Variants in ERG observed in about 807,000 individuals in gnomAD.
ERG encodes the protein ETS transcription factor ERG, also known as transcriptional regulator ERG.
In ERG, 9 loss-of-function variants were observed where a neutral mutation model predicts 55.3. The observed-to-expected ratio is 0.16, with a 90% CI of 0.10 to 0.28. The LOEUF (loss-of-function observed/expected upper bound fraction) is 0.28. Among genes scored for constraint, ERG ranks in the 10% least tolerant of loss-of-function variants. The probability of loss-of-function intolerance (pLI) is 1.00; values close to 1 mark genes in which losing one functional copy is unlikely to be tolerated. For missense variants in ERG, 434 were observed against 631.6 expected (o/e 0.69, Z 3.35); for synonymous variants, 223 against 237.3 (o/e 0.94, Z 0.55).
intron 1 of ERG, among the ~76,000 whole-genome samples, chr21:38,619,055 A>G (rs1350497779): frequency 6.6e-6 from 1 of 152,178 alleles, no homozygotes; most frequent in East Asian, 1.9e-4. Flanking sequence ...TCTGTCAGAC[A>G]CCTCACATTA....
At chr21:38,588,434 C>A (rs1054478037), upstream of ERG, among the ~76,000 whole-genome samples, 1 of 152,106 alleles carries the variant, frequency 6.6e-6, no homozygotes, top group African/African-American at 2.4e-5. Context: ...GAAGAAGGCA[C>A]CAGATCATCA....
At chr21:38,594,677 G>A (rs1293746546) in intron 1 of ERG, among the ~76,000 whole-genome samples, 1 of 152,180 alleles carries the variant, frequency 6.6e-6, no homozygotes, top group African/African-American at 2.4e-5. Context: ...TTTCAGCCTT[G>A]AATAGCAGAA....
At chr21:38,592,080 AC>A (rs1427710757) in intron 1 of ERG, among the ~76,000 whole-genome samples, 1 of 152,116 alleles carries the variant, frequency 6.6e-6, no homozygotes, top group Non-Finnish European at 1.5e-5. Context: ...GGAAGGTGGG[AC>A]CCCACTGTCT....
Position 38,392,461 on chromosome 21 carries a change from A to G in ERG, c.746-17T>C. On this transcript the variant is annotated splice_polypyrimidine_tract_variant and intron_variant, in intron 6 of 9. Coordinates refer to ENST00000288319, the MANE Select transcript of ERG (RefSeq NM_182918.4). ...ATGGTAAATCTGTAAAGACAAATAA[A>G]TTGACTAAAAGATCAATCATGTAAT... is the stretch of plus-strand genomic sequence containing the variant. The G allele has an allele frequency of 6.9e-7, 1 of 1,457,082 alleles. No individual in the cohort carries two copies. Among genetic ancestry groups the G allele is most frequent in the African/African-American group, 1.4e-5 (1 of 69,336 alleles). 90.3% of individuals were successfully genotyped at this position (1,457,082 alleles called of 1,614,324 possible).
rs1569086547 is a variant in ERG, at chr21:38,423,553, G to A, written c.245C>T (p.Pro82Leu). The change falls in exon 3 of 10, where the codon CCT becomes CTT. Residue 82 changes from proline (P) to leucine (L), a missense_variant. Pro to Leu is a moderately conservative substitution (Grantham distance 98). Transcript: ENST00000288319. The part of the protein sequence containing the change: ...PSQVNGSRNS[P>L]DECSVAKGGK... ...GCCTTTGGCCACACTGCATTCATCA[G>A]GAGAGTTCCTGGAGGAGAAGAAATA... 4 of 1,611,128 alleles carry A rather than the reference G, an allele frequency of 2.5e-6. No homozygotes were observed. The highest frequency in any genetic ancestry group is 1.7e-6 in the Non-Finnish European group (2 of 1,177,808).
chr21:38,625,915 CTTTTTTTTTTTTTT>C (rs397797559), intron 1 of ERG, among the ~76,000 whole-genome samples: 1 of 84,458 alleles, frequency 1.2e-5, no homozygotes, highest in East Asian at 4.3e-4. Context: ...ACTTGAAGCT[CTTTTTTTTTTTTTT>C]TTTTTTTTTT....
chr21:38,465,730 A>G (rs1601443570), intron 1 of ERG, among the ~76,000 whole-genome samples: 1 of 152,272 alleles, frequency 6.6e-6, no homozygotes, highest in East Asian at 1.9e-4. Flanking sequence ...AATAAAGTCT[A>G]TTTTTTAAAA....
intron 2 of ERG, among the ~76,000 whole-genome samples, chr21:38,572,401 GA>G (rs1282690782): frequency 6.9e-6 from 1 of 143,916 alleles, no homozygotes; most frequent in Non-Finnish European, 1.5e-5. Flanking sequence ...TTCCTTCCCA[GA>G]AATCATAGCA....
chr21:38,484,627 C>T (rs2059267041), intron 1 of ERG, among the ~76,000 whole-genome samples: 1 of 152,224 alleles, frequency 6.6e-6, no homozygotes. Flanking sequence ...TTGTAACTCT[C>T]TTATGTTTTC....
chr21:38,634,058 A>G (rs1437656631), intron 1 of ERG, among the ~76,000 whole-genome samples: 1 of 152,234 alleles, frequency 6.6e-6, no homozygotes, highest in Non-Finnish European at 1.5e-5. Flanking sequence ...CCACAAAAAT[A>G]AAACCAATAT....
intron 1 of ERG, among the ~76,000 whole-genome samples, chr21:38,576,883 G>C (rs919003290): frequency 3.9e-5 from 6 of 152,076 alleles, no homozygotes; most frequent in African/African-American, 1.4e-4. Flanking sequence ...TCCCGTCATG[G>C]GGCCCCTCCT....
intron 1 of ERG, among the ~76,000 whole-genome samples, chr21:38,618,766 A>G (rs9976318): frequency 0.056 from 8,503 of 150,842 alleles, 314 homozygotes; most frequent in Non-Finnish European, 0.079. Context: ...AGTCACATCC[A>G]TGTGGGTTCT....
At chr21:38,493,475 T>C (rs924597637) in intron 1 of ERG, among the ~76,000 whole-genome samples, 2 of 152,184 alleles carry the variant, frequency 1.3e-5, no homozygotes, top group East Asian at 3.8e-4. Context: ...TCTGAACAAT[T>C]TATATTGACT....
chr21:38,469,776 A>G (rs1213044591), intron 1 of ERG, among the ~76,000 whole-genome samples: 2 of 152,214 alleles, frequency 1.3e-5, no homozygotes, highest in African/African-American at 4.8e-5. Flanking sequence ...GCTGTGTTGG[A>G]GTAGTCATTA....
intron 2 of ERG, among the ~76,000 whole-genome samples, chr21:38,515,308 C>A (rs1383903189): frequency 6.6e-6 from 1 of 151,744 alleles, no homozygotes; most frequent in Non-Finnish European, 1.5e-5. Flanking sequence ...GAGACTATTA[C>A]AAACTGGAAA....
rs1029780592 is a variant in ERG at position 38,517,667 on chromosome 21, C to T, written c.-41+57995G>A. Among the ~76,000 whole-genome samples the T allele has an allele frequency of 6.6e-5, 10 of 152,072 alleles. No individual in the cohort carries two copies. In the East Asian group the frequency reaches 9.6e-4, roughly 15 times the overall value. ...AAGATACTTGCACCCACATGTTTAC[C>T]GCAGCACTATTTACCATAGCAAAGA... On this transcript the variant is annotated intron_variant, in intron 2 of 8. Transcript: ENST00000398897.
At chr21:38,464,728 C>T (rs1424875035) in intron 1 of ERG, among the ~76,000 whole-genome samples, 1 of 151,960 alleles carries the variant, frequency 6.6e-6, no homozygotes. Flanking sequence ...CTCCTACCCC[C>T]CGAGAGGCCC....
intron 2 of ERG, among the ~76,000 whole-genome samples, chr21:38,429,789 G>A (rs956683831): frequency 6.6e-6 from 1 of 151,464 alleles, no homozygotes; most frequent in African/African-American, 2.4e-5. Flanking sequence ...CCACTCATTG[G>A]TTGATGGGCA....
At chr21:38,500,906 C>A (rs549738998), upstream of ERG, among the ~76,000 whole-genome samples, 90 of 152,224 alleles carry the variant, frequency 5.9e-4, no homozygotes, top group South Asian at 2.9e-3. Context: ...CTCCTCATTT[C>A]TAATGACAAA....
Sources: allele counts gnomAD v4.1 joint callset (sites outside exome capture counted in the v4.1 genomes callset), GRCh38; gene constraint gnomAD v4.1.1; transcripts MANE v1.5; gene names NCBI Gene and HGNC (gene_info 2026-07-23, HGNC 2026-07-21).